RBMS3: variants seen among roughly 807,000 people sequenced by gnomAD.
The protein encoded by RBMS3 is RNA-binding motif, single-stranded-interacting protein 3.
RBMS3 carries 27 observed loss-of-function variants against 66.8 expected under a neutral mutation model. The observed-to-expected ratio is 0.40, with a 90% CI of 0.30 to 0.56. The LOEUF (loss-of-function observed/expected upper bound fraction) is 0.56, where lower values mean the gene tolerates loss of function less well. RBMS3 is among the 20% of genes least tolerant of loss of function. The pLI, the probability that RBMS3 is intolerant of heterozygous loss-of-function variation, is 0.40. For missense variants in RBMS3, 513 were observed against 549.5 expected (o/e 0.93, Z 0.66); for synonymous variants, 188 against 183.0 (o/e 1.03, Z -0.22).
intron 6 of RBMS3, among the ~76,000 whole-genome samples, chr3:29,831,417 T>C (rs976351464): frequency 2.6e-5 from 4 of 151,624 alleles, no homozygotes; most frequent in Non-Finnish European, 5.9e-5. Flanking sequence ...GAAAAAATAA[T>C]GTGTGAAGCA....
rs114729565 is a variant in RBMS3 at position 29,492,649 on chromosome 3, T to A, written c.307+4150T>A. 5.3e-3 allele frequency among the ~76,000 whole-genome samples: 804 copies of A among 151,954 alleles called. 8 individuals carry two copies. Among genetic ancestry groups the A allele is most frequent in the African/African-American group, 0.019 (770 of 41,404 alleles). On this transcript the variant is annotated intron_variant, in intron 3 of 14. Coordinates refer to ENST00000383767, the MANE Select transcript of RBMS3 (RefSeq NM_001003793.3). ...GAGATTCTAAATGGGAGATTTTAGG[T>A]AGGGGAGAAACCATACTGAGAAAGG...
Position 29,696,131 on chromosome 3 carries a change from C to A in RBMS3, c.400-43589C>A, listed in dbSNP as rs9845047. 8.4e-3 allele frequency among the ~76,000 whole-genome samples: 1,275 copies of A among 152,304 alleles called. 12 individuals carry two copies. The highest frequency in any genetic ancestry group is 0.031 in the Middle Eastern group (9 of 294). ...TCTCTGTAACAAAGATGGATGGTGA[C>A]ACTTAATTATGGACACTCACAGGCA... On this transcript the variant is annotated intron_variant, in intron 4 of 14. Transcript: ENST00000383767.
intron 4 of RBMS3, among the ~76,000 whole-genome samples, chr3:29,624,646 G>T (rs143402997): frequency 2.0e-5 from 3 of 151,998 alleles, no homozygotes; most frequent in Admixed American, 1.3e-4. Context: ...GCCATAGTTC[G>T]TTTATGTTTC....
chr3:29,363,830 A>G (rs915952187), intron 1 of RBMS3, among the ~76,000 whole-genome samples: 7 of 151,940 alleles, frequency 4.6e-5, no homozygotes, highest in Non-Finnish European at 1.0e-4. Flanking sequence ...TTTTTTAGCA[A>G]CAGTTAAAAA....
At chr3:29,581,111 T>G (rs1384339339) in intron 3 of RBMS3, among the ~76,000 whole-genome samples, 1 of 152,188 alleles carries the variant, frequency 6.6e-6, no homozygotes, top group Non-Finnish European at 1.5e-5. Context: ...TTTGCCTTTA[T>G]TTTTTCACAA....
chr3:29,727,000 A>G (rs966920053), intron 4 of RBMS3, among the ~76,000 whole-genome samples: 2 of 152,224 alleles, frequency 1.3e-5, no homozygotes, highest in African/African-American at 4.8e-5. Context: ...ACAACATGGT[A>G]CTGGTACCAA....
intron 1 of RBMS3, among the ~76,000 whole-genome samples, chr3:29,355,021 G>T (rs2037135687): frequency 6.6e-6 from 1 of 152,124 alleles, no homozygotes; most frequent in East Asian, 1.9e-4. Context: ...TAAACAGCTA[G>T]AAAGTGCCTG....
intron 6 of RBMS3, among the ~76,000 whole-genome samples, chr3:29,821,053 T>C (rs752904440): frequency 2.0e-5 from 3 of 152,192 alleles, no homozygotes; most frequent in Admixed American, 2.0e-4. Flanking sequence ...TGGCTTCCTA[T>C]AGAAGTGCAA....
intron 6 of RBMS3, among the ~76,000 whole-genome samples, chr3:29,807,070 T>C (rs2057573673): frequency 6.6e-6 from 1 of 151,790 alleles, no homozygotes. Flanking sequence ...AATTTACAAA[T>C]AGACAATTAA....
At chr3:29,739,919 T>C (rs762874953) in intron 5 of RBMS3, 42 bp downstream of exon 5, 13 of 1,403,430 alleles carry the variant, frequency 9.3e-6, no homozygotes, top group Middle Eastern at 1.9e-4. Context: ...TTCCTCATTG[T>C]TCCTTTTAAA....
intron 1 of RBMS3, among the ~76,000 whole-genome samples, chr3:29,302,826 T>C (rs572617879): frequency 1.4e-4 from 21 of 152,140 alleles, no homozygotes; most frequent in Middle Eastern, 3.4e-3. Flanking sequence ...AAAATGCTTC[T>C]TGCCTGTCTA....
intron 12 of RBMS3, among the ~76,000 whole-genome samples, chr3:29,948,930 G>A (rs761539197): frequency 1.6e-4 from 24 of 151,822 alleles, no homozygotes; most frequent in Non-Finnish European, 3.1e-4. Context: ...GAAATGTCAT[G>A]TAACATAGTA....
At chr3:29,899,495 G>GAT (rs1307354337) in intron 9 of RBMS3, among the ~76,000 whole-genome samples, 1 of 151,724 alleles carries the variant, frequency 6.6e-6, no homozygotes. Context: ...CAGCTCCACT[G>GAT]ATAGGGGAAG....
chr3:29,432,206 G>T (rs540442148), intron 1 of RBMS3, among the ~76,000 whole-genome samples: 1 of 152,252 alleles, frequency 6.6e-6, no homozygotes, highest in South Asian at 2.1e-4. Flanking sequence ...GATTTTGGTG[G>T]CTGACTGTAT....
chr3:29,379,064 C>T (rs1400143785), intron 1 of RBMS3, among the ~76,000 whole-genome samples: 2 of 152,090 alleles, frequency 1.3e-5, no homozygotes, highest in East Asian at 1.9e-4. Flanking sequence ...TGGTAAAACT[C>T]CTTTTGCCAT....
At chr3:29,793,497 C>T (rs1340048409) in intron 6 of RBMS3, among the ~76,000 whole-genome samples, 1 of 152,168 alleles carries the variant, frequency 6.6e-6, no homozygotes, top group Admixed American at 6.5e-5. Context: ...TTTTATATAA[C>T]ATCCATTTCT....
Position 29,780,319 on chromosome 3 carries a change from C to CAA in RBMS3, c.637+17342_637+17343dup, listed in dbSNP as rs35102146. ...AGTTAAGTTTTATTCAGTCAGATAACAAAAAAAAAAAAATTTGAGTGAATC... is the reference window on the plus strand; with the variant it reads ...AGTTAAGTTTTATTCAGTCAGATAACAAAAAAAAAAAAAAATTTGAGTGAATC... On this transcript the variant is annotated intron_variant, in intron 6 of 14. Transcript: ENST00000383767. 6.4e-3 allele frequency among the ~76,000 whole-genome samples: 932 copies of CAA among 146,626 alleles called. 6 individuals are homozygous for CAA. Among genetic ancestry groups the CAA allele is most frequent in the Non-Finnish European group, 9.3e-3 (621 of 66,468 alleles).
chr3:29,376,299 GT>G (rs1365043376), intron 1 of RBMS3, among the ~76,000 whole-genome samples: 1 of 152,080 alleles, frequency 6.6e-6, no homozygotes, highest in African/African-American at 2.4e-5. Context: ...TCTGGAGCAC[GT>G]TTAACAATGT....
intron 4 of RBMS3, among the ~76,000 whole-genome samples, chr3:29,720,705 TGTGTGTGTGTGA>T (rs2053607469): frequency 6.6e-6 from 1 of 151,332 alleles, no homozygotes; most frequent in South Asian, 2.1e-4. Context: ...TCTGTGTGTG[TGTGTGTGTGTGA>T]GTGTGTGTGT....
Sources: allele counts gnomAD v4.1 joint callset (sites outside exome capture counted in the v4.1 genomes callset), GRCh38; gene constraint gnomAD v4.1.1; transcripts MANE v1.5; gene names NCBI Gene and HGNC (gene_info 2026-07-23, HGNC 2026-07-21).